CNDP2: variants seen among roughly 807,000 people sequenced by gnomAD.
The protein encoded by CNDP2 is carnosine dipeptidase 2, also known as cytosolic non-specific dipeptidase.
In CNDP2, 38 loss-of-function variants were observed where a neutral mutation model predicts 55.0. The ratio of observed to expected loss-of-function variants is 0.69; its 90% CI spans 0.53 to 0.90. The LOEUF (loss-of-function observed/expected upper bound fraction) is 0.90. Among genes scored for constraint, CNDP2 ranks in the 40% least tolerant of loss-of-function variants. The probability of loss-of-function intolerance (pLI) is 0.00; values close to 1 mark genes in which losing one functional copy is unlikely to be tolerated. For synonymous variants in CNDP2, 241 were observed against 260.2 expected, an observed-to-expected ratio of 0.93 and a Z score of 0.71; for missense variants, 607 against 621.7, an observed-to-expected ratio of 0.98 and a Z score of 0.25.
chr18:74,499,870 C>A lies in CNDP2; in HGVS notation c.-92-12C>A. On this transcript the variant is annotated splice_polypyrimidine_tract_variant and intron_variant, in intron 1 of 11. Coordinates refer to ENST00000324262, the MANE Select transcript of CNDP2 (RefSeq NM_018235.3). ...AACAATTTACAATTCTGAACACGTGCTTTCTGGGCAGGTCGCCCCTCAGTC... is the reference window on the plus strand; with the variant it reads ...AACAATTTACAATTCTGAACACGTGATTTCTGGGCAGGTCGCCCCTCAGTC... The A allele has an allele frequency of 1.0e-6, 1 of 968,892 alleles. No individual in the cohort carries two copies. The highest frequency in any genetic ancestry group is 1.6e-6 in the Non-Finnish European group (1 of 627,160). 60.0% of individuals were successfully genotyped at this position (968,892 alleles called of 1,614,324 possible). A position where few individuals can be genotyped will look rare whatever the true frequency, so the allele number is the denominator to read the frequency against.
rs530295719 is a variant in CNDP2 at position 74,503,820 on chromosome 18, G to C, written c.205-2029G>C. The stretch of plus-strand genomic sequence containing the variant: ...TGCACACGCAGCCACAGTGCCGCTG[G>C]GACAAATGAGGGGCGTCAGGCCACA... On this transcript the variant is annotated intron_variant, in intron 3 of 11. Coordinates refer to ENST00000324262, the MANE Select transcript of CNDP2 (RefSeq NM_018235.3). Among the ~76,000 whole-genome samples, 680 of 151,838 alleles carry C rather than the reference G, an allele frequency of 4.5e-3. 6 individuals carry two copies. The highest frequency in any genetic ancestry group is 0.015 in the African/African-American group (637 of 41,216).
At chr18:74,519,208 C>G in intron 11 of CNDP2, 112 bp downstream of exon 11, 1 of 1,327,730 alleles carries the variant, frequency 7.5e-7, no homozygotes, top group South Asian at 1.5e-5. Flanking sequence ...GGTGATGGCC[C>G]CGTGACCTGC....
rs1357848879 is a variant in CNDP2, at chr18:74,519,007, C to T, written c.1269C>T (p.Thr423=). Residue 423 remains threonine, a synonymous_variant, in exon 11 of 12, where the codon ACC becomes ACT. Coordinates refer to ENST00000324262, the MANE Select transcript of CNDP2 (RefSeq NM_018235.3). Reference sequence around the variant, plus strand: ...GCGGCAGTATTCCCGTGACCTTGACCTTTCAGGAGGCCACGGGCAAGAACG... The same window carrying T: ...GCGGCAGTATTCCCGTGACCTTGACTTTTCAGGAGGCCACGGGCAAGAACG... ...REGGSIPVTL[T]FQEATGKNVM... is the part of the protein sequence containing the mutation. 1 of 1,614,024 alleles carries T rather than the reference C, an allele frequency of 6.2e-7. No homozygotes were observed. The highest frequency in any genetic ancestry group is 8.5e-7 in the Non-Finnish European group (1 of 1,180,036).
chr18:74,504,100 G>T (rs59839245), intron 3 of CNDP2, among the ~76,000 whole-genome samples: 1 of 142,710 alleles, frequency 7.0e-6, no homozygotes, highest in Non-Finnish European at 1.5e-5. Flanking sequence ...GGACAAATGA[G>T]GGGCGTCAGG....
chr18:74,518,582 C>G lies in CNDP2; in HGVS notation c.1152C>G (p.Pro384=). The part of the protein sequence containing the change: ...FKVYMGHGGK[P]WVSDFSHPHY... ...TGTACATGGGCCACGGTGGGAAGCCCTGGGTCTCCGACTTCAGTCACCCTC... is the reference window on the plus strand; with the variant it reads ...TGTACATGGGCCACGGTGGGAAGCCGTGGGTCTCCGACTTCAGTCACCCTC... The change falls in exon 10 of 12, where the codon CCC becomes CCG. Residue 384 remains proline, a synonymous_variant. Coordinates refer to ENST00000324262, the MANE Select transcript of CNDP2 (RefSeq NM_018235.3). 1 of 1,614,236 alleles carries G rather than the reference C, an allele frequency of 6.2e-7. No homozygotes were observed.
At chr18:74,496,860 A>G (rs186462648) in intron 1 of CNDP2, among the ~76,000 whole-genome samples, 1 of 152,236 alleles carries the variant, frequency 6.6e-6, no homozygotes, top group East Asian at 1.9e-4. Context: ...CCTTTCTCCA[A>G]CGGATCCCTT....
At position 74,513,724 on chromosome 18, in the gene CNDP2, G is replaced by C; in HGVS notation, c.903+5G>C. On this transcript the variant is annotated splice_donor_5th_base_variant and intron_variant, in intron 8 of 11. Coordinates refer to ENST00000324262, the MANE Select transcript of CNDP2 (RefSeq NM_018235.3). ...ATCCTCCTGCACAGCCACAAGGTCT[G>C]GTTCAGGGCTCGACTCTGCCACCTG... 1 of 1,612,648 alleles carries C rather than the reference G, an allele frequency of 6.2e-7. No individual in the cohort carries two copies. Among genetic ancestry groups the C allele is most frequent in the East Asian group, 2.2e-5 (1 of 44,816 alleles).
At chr18:74,517,873 A>G (rs1421996295) in intron 9 of CNDP2, 1 of 152,234 alleles carries the variant, frequency 6.6e-6, no homozygotes, top group African/African-American at 2.4e-5. Flanking sequence ...TTTAAACTTA[A>G]TTTAAATAGT....
At chr18:74,505,750 G>A (rs982876166) in intron 3 of CNDP2, 99 bp from the exon 4 acceptor site, 2 of 1,312,822 alleles carry the variant, frequency 1.5e-6, no homozygotes, top group African/African-American at 3.0e-5. Context: ...GATTGATAAG[G>A]ACAGATAAGG....
At position 74,520,228 on chromosome 18, in the gene CNDP2, G is replaced by C. The variant is rs775419588; in HGVS notation, c.*160G>C. The C allele has an allele frequency of 7.6e-6, 5 of 662,012 alleles. No homozygotes were observed. Among genetic ancestry groups the C allele is most frequent in the Non-Finnish European group, 1.3e-5 (5 of 385,322 alleles). The allele number at this position is 662,012 out of a possible 1,614,324, so 41.0% of individuals were successfully genotyped here. ...GACACAAGTGTATCCAGCTGTCCAC[G>C]GGTGGAGCTACCCGTTGGGCTTATG... On this transcript the variant is annotated 3_prime_UTR_variant, in exon 12 of 12. Coordinates refer to ENST00000324262, the MANE Select transcript of CNDP2 (RefSeq NM_018235.3).
intron 5 of CNDP2, chr18:74,509,234 C>T: frequency 5.6e-6 from 2 of 359,682 alleles, no homozygotes. Context: ...GAGTGTGGTC[C>T]CTTGCCAGAA....
intron 5 of CNDP2, among the ~76,000 whole-genome samples, chr18:74,509,840 A>G (rs563626057): frequency 9.2e-5 from 14 of 152,336 alleles, no homozygotes; most frequent in African/African-American, 3.4e-4. Flanking sequence ...ATCTTGTATC[A>G]TGGTGACATA....
chr18:74,507,466 G>C (rs3794956), intron 4 of CNDP2: 3 of 152,472 alleles, frequency 2.0e-5, no homozygotes, highest in African/African-American at 7.3e-5. Flanking sequence ...TGCTCCCAGA[G>C]TGACCTCAAC....
chr18:74,513,448 G>T (rs1294300039), intron 7 of CNDP2, 111 bp from the exon 8 acceptor site: 2 of 1,191,086 alleles, frequency 1.7e-6, no homozygotes, highest in African/African-American at 1.6e-5. Context: ...TGGCTGTGGG[G>T]CCTGAGCCGC....
chr18:74,519,264 C>T (rs7228952), intron 11 of CNDP2, among the ~76,000 whole-genome samples, 168 bp downstream of exon 11: 18,439 of 152,198 alleles, frequency 0.12, 1,315 homozygotes, highest in African/African-American at 0.19. Flanking sequence ...GGAGGCAGGA[C>T]GAGGCCTTGC....
At chr18:74,502,473 G>T (rs12968731) in intron 3 of CNDP2, among the ~76,000 whole-genome samples, 30,552 of 144,000 alleles carry the variant, frequency 0.21, 3,338 homozygotes, top group Admixed American at 0.29. Context: ...TGTCTTTTTG[G>T]TTTTTTTTTT....
At chr18:74,511,916 G>A (rs1451507652) in intron 6 of CNDP2, 2 of 153,582 alleles carry the variant, frequency 1.3e-5, no homozygotes, top group Admixed American at 1.3e-4. Flanking sequence ...CTCACTCTGA[G>A]CAAGGTACTG....
At chr18:74,497,953 G>A (rs1599056900) in intron 1 of CNDP2, 1 of 152,214 alleles carries the variant, frequency 6.6e-6, no homozygotes, top group Non-Finnish European at 1.5e-5. Context: ...TTTGTAACGG[G>A]GGAGGTGGGG....
chr18:74,497,255 G>T (rs1978464960), intron 1 of CNDP2, among the ~76,000 whole-genome samples: 1 of 152,194 alleles, frequency 6.6e-6, no homozygotes, highest in African/African-American at 2.4e-5. Flanking sequence ...TGGAGGAAGA[G>T]AAGTCCACAT....
Sources: gnomAD v4.1 joint callset for allele counts (sites outside exome capture counted in the v4.1 genomes callset) on GRCh38, gnomAD v4.1.1 for gene constraint, MANE v1.5 for transcripts, NCBI Gene and HGNC (gene_info 2026-07-23, HGNC 2026-07-21) for gene names.